GRM1: variants seen among roughly 807,000 people sequenced by gnomAD.
GRM1 encodes glutamate metabotropic receptor 1.
GRM1 carries 33 observed loss-of-function variants against 90.9 expected under a neutral mutation model. The observed-to-expected ratio is 0.36, with a 90% confidence interval of 0.28 to 0.49. The LOEUF (loss-of-function observed/expected upper bound fraction) is 0.49. GRM1 is among the 20% of genes least tolerant of loss of function. GRM1 has a pLI of 0.99. For synonymous variants in GRM1, 700 were observed against 613.2 expected, an observed-to-expected ratio of 1.14 and a Z score of -2.09; for missense variants, 1,190 against 1,534.3, an observed-to-expected ratio of 0.78 and a Z score of 3.75.
intron 2 of GRM1, among the ~76,000 whole-genome samples, chr6:146,236,081 T>C (rs548636548): frequency 6.6e-6 from 1 of 152,284 alleles, no homozygotes; most frequent in Admixed American, 6.5e-5. Context: ...ATGTCATTCC[T>C]GTTTGGAGTT....
At chr6:146,412,138 A>G (rs186531236) in intron 7 of GRM1, among the ~76,000 whole-genome samples, 6 of 152,324 alleles carry the variant, frequency 3.9e-5, no homozygotes, top group African/African-American at 1.4e-4. Context: ...AAGTCTATTG[A>G]TATATGTTGC....
At chr6:146,149,078 C>G (rs1339919885) in intron 1 of GRM1, among the ~76,000 whole-genome samples, 1 of 152,110 alleles carries the variant, frequency 6.6e-6, no homozygotes, top group African/African-American at 2.4e-5. Context: ...TCATAAATAG[C>G]TAACTGAAGT....
At chr6:146,365,220 T>C (rs1775632994) in intron 5 of GRM1, 1 of 144,588 alleles carries the variant, frequency 6.9e-6, no homozygotes, top group South Asian at 2.2e-4. Context: ...AGTGTCTTGT[T>C]GTGAATGTAA....
intron 1 of GRM1, among the ~76,000 whole-genome samples, chr6:146,156,282 T>C (rs1777525019): frequency 6.6e-6 from 1 of 152,184 alleles, no homozygotes; most frequent in South Asian, 2.1e-4. Context: ...GGCACATACC[T>C]GTAGTCCCAG....
rs756889071 is a variant in GRM1 at position 146,126,755 on chromosome 6, CT to C, written c.701-32592del. ...TTTTAAAAAATTGTTATGAAATCTA[CT>C]GTTGAAGAAAGTTTTAAATTTGCTC... On this transcript the variant is annotated intron_variant, in intron 1 of 7. Coordinates refer to ENST00000282753, the MANE Select transcript of GRM1 (RefSeq NM_001278064.2). Among the ~76,000 whole-genome samples the C allele has an allele frequency of 2.0e-4, 30 of 152,102 alleles. 2 individuals are homozygous for C. The highest frequency in any genetic ancestry group is 7.4e-5 in the Non-Finnish European group (5 of 68,000).
chr6:146,361,757 G>T (rs1291695687), intron 5 of GRM1, among the ~76,000 whole-genome samples: 2 of 152,200 alleles, frequency 1.3e-5, no homozygotes, highest in Non-Finnish European at 2.9e-5. Flanking sequence ...CCAAAGCTGG[G>T]CTTGGAGCCA....
intron 2 of GRM1, among the ~76,000 whole-genome samples, chr6:146,259,362 A>G (rs1288586489): frequency 6.6e-6 from 1 of 152,150 alleles, no homozygotes; most frequent in Non-Finnish European, 1.5e-5. Flanking sequence ...TAAGTGCATT[A>G]TATAGTATTG....
At chr6:146,109,563 C>T (rs558440453) in intron 1 of GRM1, among the ~76,000 whole-genome samples, 6 of 152,174 alleles carry the variant, frequency 3.9e-5, no homozygotes, top group Admixed American at 1.3e-4. Flanking sequence ...GCTAGGGCAG[C>T]GCAGAAGGGA....
At chr6:146,335,794 C>T (rs1409960397) in intron 3 of GRM1, among the ~76,000 whole-genome samples, 1 of 151,962 alleles carries the variant, frequency 6.6e-6, no homozygotes, top group Non-Finnish European at 1.5e-5. Context: ...TGGCTGTGTC[C>T]CCACCCAAAT....
rs1050614914 is a variant in GRM1, at chr6:146,218,960, C to T, written c.950+59363C>T. On this transcript the variant is annotated intron_variant, in intron 2 of 7. Transcript: ENST00000282753. ...AGTGGAAAGATGTGGAGTCACCTACCCACGGTTTGCTTGATTTCTTCATCT... is the reference window on the plus strand; with the variant it reads ...AGTGGAAAGATGTGGAGTCACCTACTCACGGTTTGCTTGATTTCTTCATCT... Among the ~76,000 whole-genome samples, 9 of 152,246 alleles carry T rather than the reference C, an allele frequency of 5.9e-5. No individual in the cohort carries two copies. In the East Asian group the frequency reaches 1.7e-3, roughly 29 times the overall value.
At chr6:146,044,777 C>T (rs1246574567) in intron 1 of GRM1, among the ~76,000 whole-genome samples, 1 of 151,792 alleles carries the variant, frequency 6.6e-6, no homozygotes, top group Non-Finnish European at 1.5e-5. Context: ...TGAAAAGAAA[C>T]TGCCTCTTAA....
chr6:146,293,520 T>TA (rs1783069256), intron 2 of GRM1, among the ~76,000 whole-genome samples: 1 of 152,000 alleles, frequency 6.6e-6, no homozygotes, highest in Non-Finnish European at 1.5e-5. Context: ...ACTTTATATA[T>TA]TTTTTACAAC....
At chr6:146,200,040 A>G (rs1156448212) in intron 2 of GRM1, among the ~76,000 whole-genome samples, 1 of 152,202 alleles carries the variant, frequency 6.6e-6, no homozygotes, top group Admixed American at 6.5e-5. Flanking sequence ...TGCAGAGCTC[A>G]CGTCCTCAGA....
At chr6:146,430,816 C>A (rs1488076169) in intron 7 of GRM1, among the ~76,000 whole-genome samples, 2 of 152,134 alleles carry the variant, frequency 1.3e-5, no homozygotes, top group African/African-American at 2.4e-5. Context: ...TCTTCACGGC[C>A]ATTTGAATAC....
intron 2 of GRM1, among the ~76,000 whole-genome samples, chr6:146,251,506 A>T (rs985285042): frequency 5.9e-5 from 9 of 152,204 alleles, no homozygotes; most frequent in Admixed American, 3.9e-4. Flanking sequence ...AAATTTAAAT[A>T]TTAGAAGTGA....
intron 2 of GRM1, among the ~76,000 whole-genome samples, chr6:146,300,924 A>C (rs1783355736): frequency 6.6e-6 from 1 of 152,212 alleles, no homozygotes; most frequent in African/African-American, 2.4e-5. Flanking sequence ...ACATCCTCAC[A>C]CAGAATCCTA....
chr6:146,343,768 T>C (rs1488892984), intron 3 of GRM1, among the ~76,000 whole-genome samples: 2 of 151,970 alleles, frequency 1.3e-5, no homozygotes, highest in African/African-American at 4.8e-5. Flanking sequence ...CCTCCCGGAT[T>C]CAAGCGATTT....
intron 4 of GRM1, among the ~76,000 whole-genome samples, chr6:146,353,837 G>A (rs1016580078): frequency 1.3e-5 from 2 of 152,146 alleles, no homozygotes; most frequent in African/African-American, 2.4e-5. Context: ...TCACCGTGTT[G>A]GCCAGGCTCA....
chr6:146,107,964 T>C (rs1174683745), intron 1 of GRM1, among the ~76,000 whole-genome samples: 3 of 152,230 alleles, frequency 2.0e-5, no homozygotes, highest in African/African-American at 7.2e-5. Flanking sequence ...CAATTCATTT[T>C]CTCTACTTTA....
Sources: gnomAD v4.1 joint callset for allele counts (sites outside exome capture counted in the v4.1 genomes callset) on GRCh38, gnomAD v4.1.1 for gene constraint, MANE v1.5 for transcripts, NCBI Gene and HGNC (gene_info 2026-07-23, HGNC 2026-07-21) for gene names.